The following RFPL1 variants were observed in gnomAD, a reference collection of about 807,000 sequenced individuals.
RFPL1 encodes the protein ret finger protein like 1.
A neutral mutation model predicts 9.6 loss-of-function variants in RFPL1; 6 were observed. The observed-to-expected ratio is 0.62, with a 90% CI of 0.34 to 1.23. The LOEUF (loss-of-function observed/expected upper bound fraction) is 1.23, where lower values mean the gene tolerates loss of function less well. Among genes scored for constraint, RFPL1 ranks in the 50% most tolerant of loss-of-function variants. The pLI is 0.03. For synonymous variants in RFPL1, 145 were observed against 149.4 expected (o/e 0.97, Z 0.22); for missense variants, 352 against 398.4 (o/e 0.88, Z 0.99).
Position 29,442,032 on chromosome 22 carries a change from ACCTAATGGTG to A in RFPL1, c.865_874del (p.Pro289IlefsTer5), listed in dbSNP as rs758428476. 11 of 1,613,986 alleles carry A rather than the reference ACCTAATGGTG, an allele frequency of 6.8e-6. No individual in the cohort carries two copies. In the Admixed American group the frequency reaches 1.8e-4, roughly 27 times the overall value. On this transcript the variant is annotated frameshift_variant, in exon 2 of 2. Transcript: ENST00000354373. LOFTEE classifies it low-confidence loss of function (END_TRUNC). ...ACTTGTTTTTTGCTCCTCCAAGTCC[ACCTAATGGTG>A]ATAAGAGTGTCTTGAGTATCTGTCC...
chr22:29,414,576 T>C, the RFPL1 span, among the ~76,000 whole-genome samples: 2 of 152,194 alleles, frequency 1.3e-5, no homozygotes, highest in African/African-American at 2.4e-5. Context: ...TTTCCTCAAT[T>C]ACAGAATACT....
the RFPL1 span, among the ~76,000 whole-genome samples, chr22:29,413,994 C>T: frequency 2.6e-5 from 4 of 152,184 alleles, no homozygotes; most frequent in African/African-American, 9.7e-5. Flanking sequence ...ATACACCTTG[C>T]ACATAAACTG....
the RFPL1 span, among the ~76,000 whole-genome samples, chr22:29,410,483 T>TC: frequency 1.0e-5 from 1 of 99,386 alleles, no homozygotes; most frequent in East Asian, 2.7e-4. Flanking sequence ...GATATATATA[T>TC]TGTAGATATA....
chr22:29,410,450 A>ATATAGATATATATATTG, the RFPL1 span, among the ~76,000 whole-genome samples: 11 of 87,096 alleles, frequency 1.3e-4, no homozygotes, highest in African/African-American at 4.3e-4. Context: ...ATATCTATAT[A>ATATAGATATATATATTG]TAGATATATA....
the RFPL1 span, among the ~76,000 whole-genome samples, chr22:29,415,721 G>C: frequency 6.6e-6 from 1 of 152,280 alleles, no homozygotes; most frequent in African/African-American, 2.4e-5. Context: ...CCCGAAGAAA[G>C]AGTTCCTGGC....
chr22:29,418,357 A>T, the RFPL1 span, among the ~76,000 whole-genome samples: 7 of 152,216 alleles, frequency 4.6e-5, no homozygotes, highest in Non-Finnish European at 8.8e-5. Context: ...TAGAGGCTGC[A>T]CACCGGTGAC....
At chr22:29,429,340 C>A in the RFPL1 span, among the ~76,000 whole-genome samples, 4 of 152,124 alleles carry the variant, frequency 2.6e-5, no homozygotes, top group Admixed American at 2.6e-4. Context: ...AGGCATGAGC[C>A]ACTGTTCTCA....
the RFPL1 span, among the ~76,000 whole-genome samples, chr22:29,397,204 CG>C: frequency 4.1e-4 from 63 of 152,272 alleles, no homozygotes; most frequent in Middle Eastern, 3.4e-3. Context: ...CCACCGCGCC[CG>C]GCCACCTGAA....
the RFPL1 span, among the ~76,000 whole-genome samples, chr22:29,424,760 T>G: frequency 1.3e-5 from 2 of 148,158 alleles, no homozygotes; most frequent in Non-Finnish European, 3.0e-5. Context: ...AGGCGGAGGT[T>G]GCAGTGAGCC....
the RFPL1 span, chr22:29,388,378 T>G: frequency 6.6e-6 from 1 of 152,298 alleles, no homozygotes; most frequent in Non-Finnish European, 1.5e-5. Flanking sequence ...CCCTGACCCC[T>G]CGCCCCACTT....
the RFPL1 span, among the ~76,000 whole-genome samples, chr22:29,390,427 G>A: frequency 1.3e-5 from 2 of 151,880 alleles, no homozygotes; most frequent in African/African-American, 4.8e-5. Flanking sequence ...AGACTTACAG[G>A]AAATTGCAAA....
chr22:29,401,138 G>A, the RFPL1 span, among the ~76,000 whole-genome samples: 11 of 152,232 alleles, frequency 7.2e-5, 1 homozygote, highest in South Asian at 2.3e-3. Flanking sequence ...GGCTTCAATT[G>A]TATTGTATAT....
chr22:29,409,713 T>C, the RFPL1 span, among the ~76,000 whole-genome samples: 4 of 152,166 alleles, frequency 2.6e-5, no homozygotes, highest in South Asian at 8.3e-4. Context: ...AATGAAGATA[T>C]AAAAATCTGA....
the RFPL1 span, among the ~76,000 whole-genome samples, chr22:29,432,330 GC>G: frequency 2.0e-5 from 3 of 152,134 alleles, no homozygotes; most frequent in Admixed American, 6.5e-5. Context: ...TGTGTCTGGA[GC>G]CCCCCTCCTA....
the RFPL1 span, among the ~76,000 whole-genome samples, chr22:29,403,513 A>G: frequency 6.6e-6 from 1 of 152,290 alleles, no homozygotes; most frequent in Non-Finnish European, 1.5e-5. Flanking sequence ...GGGTGGAAGC[A>G]GGGAGACCAG....
the RFPL1 span, among the ~76,000 whole-genome samples, chr22:29,398,883 A>C: frequency 6.6e-6 from 1 of 152,198 alleles, no homozygotes; most frequent in Non-Finnish European, 1.5e-5. Context: ...AATATACAAA[A>C]GCTGAAGATC....
At chr22:29,427,388 G>GCCT in the RFPL1 span, among the ~76,000 whole-genome samples, 1 of 152,196 alleles carries the variant, frequency 6.6e-6, no homozygotes, top group South Asian at 2.1e-4. Context: ...TCCTGTGAAA[G>GCCT]CCTGTTCCTG....
the RFPL1 span, among the ~76,000 whole-genome samples, chr22:29,428,702 C>G: frequency 2.0e-5 from 3 of 152,122 alleles, no homozygotes; most frequent in East Asian, 5.8e-4. Flanking sequence ...AGTTTTGGAG[C>G]CTACAAAAAG....
chr22:29,417,436 C>T, the RFPL1 span, among the ~76,000 whole-genome samples: 8 of 150,814 alleles, frequency 5.3e-5, no homozygotes, highest in South Asian at 6.3e-4. Flanking sequence ...TCCATGGGGA[C>T]GTCTGGAGCA....
Sources: gnomAD v4.1 joint callset for allele counts (sites outside exome capture counted in the v4.1 genomes callset) on GRCh38, gnomAD v4.1.1 for gene constraint, MANE v1.5 for transcripts, NCBI Gene and HGNC (gene_info 2026-07-23, HGNC 2026-07-21) for gene names.